PEBP1: variants seen among roughly 807,000 people sequenced by gnomAD.
PEBP1 encodes phosphatidylethanolamine-binding protein 1.
Under a neutral mutation model 22.7 loss-of-function variants are expected in PEBP1, and 17 were observed. The ratio of observed to expected loss-of-function variants is 0.75; its 90% CI spans 0.51 to 1.12. The LOEUF (loss-of-function observed/expected upper bound fraction) is 1.12. Among genes scored for constraint, PEBP1 ranks in the 50% most tolerant of loss-of-function variants. The probability of loss-of-function intolerance (pLI) is 0.00; values close to 1 mark genes in which losing one functional copy is unlikely to be tolerated. For synonymous variants in PEBP1, 106 were observed against 104.3 expected (o/e 1.02, Z -0.10); for missense variants, 205 against 243.5 (o/e 0.84, Z 1.05).
At chr12:118,141,859 T>C (rs2034116935) in intron 3 of PEBP1, among the ~76,000 whole-genome samples, 1 of 152,230 alleles carries the variant, frequency 6.6e-6, no homozygotes, top group African/African-American at 2.4e-5. Context: ...TATTGCTCAG[T>C]AATATTCCCG....
At position 118,145,235 on chromosome 12, in the gene PEBP1, C is replaced by G. The variant is rs1211437913; in HGVS notation, c.*432C>G. 5.7e-6 allele frequency: 2 copies of G among 348,650 alleles called. No homozygotes were observed. Among genetic ancestry groups the G allele is most frequent in the Admixed American group, 4.2e-5 (1 of 23,686 alleles). The allele number at this position is 348,650 out of a possible 1,614,324, so 21.6% of individuals were successfully genotyped here. A position where few individuals can be genotyped will look rare whatever the true frequency, so the allele number is the denominator to read the frequency against. ...GTGATCCTGAGTCCAGAATGGTACA[C>G]AATGTGATTTTATGGTGATGTCACT... On this transcript the variant is annotated 3_prime_UTR_variant, in exon 4 of 4. Transcript: ENST00000261313.
chr12:118,144,724 C>G lies in PEBP1; in HGVS notation c.485C>G (p.Ala162Gly). 1 of 1,614,098 alleles carries G rather than the reference C, an allele frequency of 6.2e-7. No homozygotes were observed. The highest frequency in any genetic ancestry group is 8.5e-7 in the Non-Finnish European group (1 of 1,180,026). Residue 162 changes from alanine to glycine, a missense_variant, in exon 4 of 4, where the codon GCC becomes GGC. Ala to Gly is a moderately conservative substitution (Grantham distance 60). Coordinates refer to ENST00000261313, the MANE Select transcript of PEBP1 (RefSeq NM_002567.4). ...TTCCGTAAAAAGTATGAGCTCAGGG[C>G]CCCGGTGGCTGGCACGTGTTACCAG... ...ASFRKKYELR[A>G]PVAGTCYQAE...
chr12:118,138,362 C>A (rs2034085454), intron 2 of PEBP1, among the ~76,000 whole-genome samples: 1 of 152,046 alleles, frequency 6.6e-6, no homozygotes, highest in East Asian at 1.9e-4. Context: ...TTTTATACAG[C>A]CCCATGAGCT....
intron 1 of PEBP1, among the ~76,000 whole-genome samples, chr12:118,137,014 C>T (rs1180968860): frequency 6.6e-6 from 1 of 152,206 alleles, no homozygotes; most frequent in Non-Finnish European, 1.5e-5. Flanking sequence ...CCCGACCTTA[C>T]ATTGTTTTGG....
chr12:118,136,131 T>C lies in PEBP1; in HGVS notation c.-79T>C, dbSNP rs2034053515. 6.6e-7 allele frequency: 1 copy of C among 1,507,594 alleles called. No homozygotes were observed. The allele number at this position is 1,507,594 out of a possible 1,614,324, so 93.4% of individuals were successfully genotyped here. On this transcript the variant is annotated 5_prime_UTR_variant, in exon 1 of 4. Transcript: ENST00000261313. This position sits in a 1 kb window ranked among gnomAD's most constrained non-coding sequence, Gnocchi z 5.6. ...TCTGCGTCTTCCCGAGCCAGTGTGC[T>C]GAGCTCTCCGCGTCGCCTCTGTCGC...
At chr12:118,142,553 T>C (rs909410704) in intron 3 of PEBP1, among the ~76,000 whole-genome samples, 2 of 151,888 alleles carry the variant, frequency 1.3e-5, no homozygotes, top group Admixed American at 6.6e-5. Context: ...CTCAGCTCAC[T>C]TCAGCCTCCA....
Position 118,136,327 on chromosome 12 carries a change from G to T in PEBP1, c.118G>T (p.Val40Leu). 6.5e-7 allele frequency: 1 copy of T among 1,543,518 alleles called. No homozygotes were observed. Among genetic ancestry groups the T allele is most frequent in the Non-Finnish European group, 8.7e-7 (1 of 1,146,404 alleles). The stretch of plus-strand genomic sequence containing the variant: ...GGCGGCGGTGGACGAGCTGGGCAAA[G>T]TGCTGACGCCCACCCAGGTACACCG... Reference protein sequence around the residue: ...AGAAVDELGKVLTPTQVKNRP... With the variant: ...AGAAVDELGKLLTPTQVKNRP... Residue 40 changes from valine (V) to leucine (L), a missense_variant, in exon 1 of 4, where the codon GTG (valine) becomes TTG (leucine). Transcript: ENST00000261313. This position sits in a 1 kb window ranked among gnomAD's most constrained non-coding sequence, Gnocchi z 5.6.
chr12:118,141,280 C>T (rs2034111735), intron 3 of PEBP1, among the ~76,000 whole-genome samples: 2 of 152,112 alleles, frequency 1.3e-5, no homozygotes, highest in South Asian at 4.1e-4. Flanking sequence ...CCACGCCCAG[C>T]TAATTTTTGT....
At chr12:118,141,466 G>T (rs1021379893) in intron 3 of PEBP1, among the ~76,000 whole-genome samples, 5 of 152,204 alleles carry the variant, frequency 3.3e-5, no homozygotes, top group Non-Finnish European at 5.9e-5. Flanking sequence ...AGGCACGGTG[G>T]CTCACGCCTA....
intron 3 of PEBP1, among the ~76,000 whole-genome samples, chr12:118,142,850 T>A (rs1175139814): frequency 8.5e-6 from 1 of 117,104 alleles, no homozygotes; most frequent in Non-Finnish European, 1.8e-5. Flanking sequence ...TTTTTTTTTT[T>A]TTTTTTTGAG....
Position 118,138,107 on chromosome 12 carries a change from G to T in PEBP1, c.204G>T (p.Leu68=). 2 of 1,613,816 alleles carry T rather than the reference G, an allele frequency of 1.2e-6. No individual in the cohort carries two copies. The highest frequency in any genetic ancestry group is 1.7e-6 in the Non-Finnish European group (2 of 1,179,840). The change falls in exon 2 of 4, where the codon CTG becomes CTT. Residue 68 remains leucine (L), a synonymous_variant. Transcript: ENST00000261313. ...CAGGGAAGCTCTACACCTTGGTCCT[G>T]ACAGACCCGGATGCTCCCAGCAGGA... ...LDSGKLYTLV[L]TDPDAPSRKD...
chr12:118,145,185 A>AC lies in PEBP1; in HGVS notation c.*382_*383insC. The AC allele has an allele frequency of 2.6e-6, 1 of 390,254 alleles. No individual in the cohort carries two copies. The highest frequency in any genetic ancestry group is 4.7e-6 in the Non-Finnish European group (1 of 214,816). 24.2% of individuals were successfully genotyped at this position (390,254 alleles called of 1,614,324 possible). ...GGGAGGTTTAAAAAAAAAAAAAAAA[A>AC]AAAAGATTGGTTGCCTCTGCCTTTG... On this transcript the variant is annotated 3_prime_UTR_variant, in exon 4 of 4. Transcript: ENST00000261313.
chr12:118,141,696 T>TG (rs1418980124), intron 3 of PEBP1, among the ~76,000 whole-genome samples: 1 of 152,170 alleles, frequency 6.6e-6, no homozygotes, highest in Non-Finnish European at 1.5e-5. Context: ...ATTGTGCCAT[T>TG]GCGCTCTAGC....
In PEBP1 at chr12:118,138,167, G is replaced by A. The variant is rs754461086; in HGVS notation, c.245+19G>A. Reference sequence around the variant, plus strand: ...AATACAGGTGAGAGGTGAGAAAGACGAGAAGAGCAGGTCATGCAGAGATGA... The same window carrying A: ...AATACAGGTGAGAGGTGAGAAAGACAAGAAGAGCAGGTCATGCAGAGATGA... On this transcript the variant is annotated intron_variant, in intron 2 of 3. Transcript: ENST00000261313. 1.5e-5 allele frequency: 23 copies of A among 1,497,482 alleles called. No homozygotes were observed. Among genetic ancestry groups the A allele is most frequent in the Non-Finnish European group, 2.0e-5 (21 of 1,075,854 alleles). 92.8% of individuals were successfully genotyped at this position (1,497,482 alleles called of 1,614,324 possible). A position where few individuals can be genotyped will look rare whatever the true frequency, so the allele number is the denominator to read the frequency against.
intron 2 of PEBP1, chr12:118,139,120 C>T (rs1242164269): frequency 3.3e-6 from 1 of 300,544 alleles, no homozygotes; most frequent in African/African-American, 2.3e-5. Flanking sequence ...CAAGACCAGT[C>T]TGGCCAACAT....
At position 118,136,980 on chromosome 12, in the gene PEBP1, G is replaced by C. The variant is rs572535101; in HGVS notation, c.135+636G>C. ...CACTGCTAGTTGGTTATGAAGCTCC[G>C]GGCAACAGCGTAAAATAAACTGCCC... On this transcript the variant is annotated intron_variant, in intron 1 of 3. Coordinates refer to ENST00000261313, the MANE Select transcript of PEBP1 (RefSeq NM_002567.4). The surrounding 1 kb of genome is among the most constrained non-coding windows in gnomAD (Gnocchi z 5.6). Among the ~76,000 whole-genome samples, 25 of 152,262 alleles carry C rather than the reference G, an allele frequency of 1.6e-4. No homozygotes were observed. Among genetic ancestry groups the C allele is most frequent in the African/African-American group, 6.0e-4 (25 of 41,560 alleles).
intron 3 of PEBP1, among the ~76,000 whole-genome samples, chr12:118,142,118 G>A (rs1163995335): frequency 6.6e-6 from 1 of 150,856 alleles, no homozygotes; most frequent in East Asian, 1.9e-4. Context: ...ACAATTCTAT[G>A]AGATACCTAA....
chr12:118,141,151 C>G (rs2034110459), intron 3 of PEBP1, among the ~76,000 whole-genome samples: 1 of 151,784 alleles, frequency 6.6e-6, no homozygotes, highest in Admixed American at 6.6e-5. Flanking sequence ...GAGTCTCGCT[C>G]TGTCTCCCAG....
In PEBP1 at chr12:118,136,156, C is replaced by T. The variant is rs1286105169; in HGVS notation, c.-54C>T. ...TGAGCTCTCCGCGTCGCCTCTGTCG[C>T]CCGCGCCTGGCCTACCGCGGCACTC... On this transcript the variant is annotated 5_prime_UTR_variant, in exon 1 of 4. Transcript: ENST00000261313. This position sits in a 1 kb window ranked among gnomAD's most constrained non-coding sequence, Gnocchi z 5.6. The T allele has an allele frequency of 2.0e-6, 3 of 1,534,286 alleles. No homozygotes were observed. Among genetic ancestry groups the T allele is most frequent in the East Asian group, 2.5e-5 (1 of 40,542 alleles).
Sources: allele counts gnomAD v4.1 joint callset (sites outside exome capture counted in the v4.1 genomes callset), GRCh38; gene constraint gnomAD v4.1.1; non-coding constraint Gnocchi (gnomAD v3.1); transcripts MANE v1.5; gene names NCBI Gene and HGNC (gene_info 2026-07-23, HGNC 2026-07-21).